COL8A2: variants seen among roughly 807,000 people sequenced by gnomAD.
The protein encoded by COL8A2 is collagen alpha-2(VIII) chain.
COL8A2 carries 16 observed loss-of-function variants against 24.0 expected under a neutral mutation model. That is an observed-to-expected ratio of 0.67 (90% CI 0.45 to 1.01). The LOEUF (loss-of-function observed/expected upper bound fraction) is 1.01. COL8A2 is among the 50% of genes least tolerant of loss of function. COL8A2 has a pLI of 0.00. For synonymous variants in COL8A2, 466 were observed against 424.5 expected, an observed-to-expected ratio of 1.10 and a Z score of -1.20; for missense variants, 818 against 942.4, an observed-to-expected ratio of 0.87 and a Z score of 1.73.
rs987732733 is a variant in COL8A2 at position 36,098,652 on chromosome 1, C to T, written c.1029G>A (p.Gly343=). Residue 343 remains glycine, a synonymous_variant, in exon 4 of 4, where the codon GGG becomes GGA. Coordinates refer to ENST00000397799, the MANE Select transcript of COL8A2 (RefSeq NM_005202.4). ...CCTGCTCCCCTGGCTCCCCATCCTC[C>T]CCTGGCTCACCCCTGTCCCCCAAGA... ...PGLLGDRGEP[G]EDGEPGEQGP... The T allele has an allele frequency of 6.2e-7, 1 of 1,610,732 alleles. No individual in the cohort carries two copies. The highest frequency in any genetic ancestry group is 8.5e-7 in the Non-Finnish European group (1 of 1,179,478).
chr1:36,118,596 CT>C (rs1444225553), intron 1 of COL8A2, among the ~76,000 whole-genome samples: 1 of 152,220 alleles, frequency 6.6e-6, no homozygotes, highest in Non-Finnish European at 1.5e-5. Context: ...AGCCCCTCCC[CT>C]GGCGACGTCT....
chr1:36,113,881 C>T (rs1347015671), intron 2 of COL8A2, among the ~76,000 whole-genome samples: 3 of 152,140 alleles, frequency 2.0e-5, no homozygotes, highest in Non-Finnish European at 2.9e-5. Flanking sequence ...AACAGGCCCA[C>T]GGGGGCAGGT....
At chr1:36,119,436 A>G (rs1017370311) in intron 1 of COL8A2, among the ~76,000 whole-genome samples, 2 of 152,084 alleles carry the variant, frequency 1.3e-5, no homozygotes, top group Non-Finnish European at 2.9e-5. Context: ...GGCTCCCCCA[A>G]GCTGAGGCAT....
Position 36,125,075 on chromosome 1 carries a change from G to A in COL8A2, c.-80C>T. On this transcript the variant is annotated 5_prime_UTR_variant, in exon 1 of 4. Coordinates refer to ENST00000397799, the MANE Select transcript of COL8A2 (RefSeq NM_005202.4). This position sits in a 1 kb window ranked among gnomAD's most constrained non-coding sequence, Gnocchi z 4.5. ...CCTTTACCTGCGGGCGCGGCCGCCG[G>A]GCGCCGCTCCCGGCCCTCGAGGGCG... 1 of 981,156 alleles carries A rather than the reference G, an allele frequency of 1.0e-6. No homozygotes were observed. The highest frequency in any genetic ancestry group is 4.7e-5 in the South Asian group (1 of 21,238). The allele number at this position is 981,156 out of a possible 1,614,324, so 60.8% of individuals were successfully genotyped here.
chr1:36,099,061 T>G lies in COL8A2; in HGVS notation c.620A>C (p.Asp207Ala). ...GPPGDRGLKG[D>A]NGVGQPGLPG... ...CAGCCCGGGCTGGCCCACTCCATTA[T>G]CCCCCTTGAGGCCTCGATCACCTGG... Residue 207 changes from aspartate (D) to alanine (A), a missense_variant, in exon 4 of 4, where the codon GAT (aspartate) becomes GCT (alanine). By Grantham distance (126) the Asp-to-Ala change is moderately radical. This residue lies in a region of COL8A2 where 573 missense variants were observed against 616.8 expected (regional missense o/e 0.93). Transcript: ENST00000397799. 1 of 1,505,764 alleles carries G rather than the reference T, an allele frequency of 6.6e-7. No homozygotes were observed. Among genetic ancestry groups the G allele is most frequent in the Non-Finnish European group, 8.9e-7 (1 of 1,129,810 alleles). 93.3% of individuals were successfully genotyped at this position (1,505,764 alleles called of 1,614,324 possible).
intron 3 of COL8A2, 98 bp from the exon 4 acceptor site, chr1:36,099,585 G>A (rs561489758): frequency 2.7e-5 from 25 of 924,742 alleles, no homozygotes; most frequent in Non-Finnish European, 4.0e-5. Context: ...GTACACGGGA[G>A]AGGAAGAATG....
intron 1 of COL8A2, among the ~76,000 whole-genome samples, chr1:36,120,616 C>G (rs188589696): frequency 6.6e-6 from 1 of 151,738 alleles, no homozygotes; most frequent in South Asian, 2.1e-4. Context: ...GGCTTGGCAG[C>G]GTGTGCCTGT....
At chr1:36,108,021 C>T (rs374799799) in intron 2 of COL8A2, among the ~76,000 whole-genome samples, 6 of 152,322 alleles carry the variant, frequency 3.9e-5, no homozygotes, top group African/African-American at 1.2e-4. Flanking sequence ...GCTTGGCTGG[C>T]ACACAGTGAT....
rs775840502 is a variant in COL8A2, at chr1:36,098,167, G to T, written c.1514C>A (p.Pro505His). Residue 505 changes from proline to histidine, a missense_variant, in exon 4 of 4, where the codon CCC (proline) becomes CAC (histidine). Physicochemically the swap from Pro to His is moderately conservative, Grantham distance 77 (BLOSUM62 -2). Around this residue, in one of 3 missense-constraint regions of COL8A2, gnomAD observed 235 missense variants for 297.3 expected, o/e 0.79. Coordinates refer to ENST00000397799, the MANE Select transcript of COL8A2 (RefSeq NM_005202.4). The part of the protein sequence containing the change: ...GRAGEPGTAG[P>H]TGPPGVPGSP... ...GCCAGGGACCCCTGGGGGCCCCGTG[G>T]GCCCAGCCGTGCCAGGTTCCCCTGC... 4.7e-6 allele frequency: 7 copies of T among 1,496,596 alleles called. No individual in the cohort carries two copies. The highest frequency in any genetic ancestry group is 5.3e-6 in the Non-Finnish European group (6 of 1,126,628). The allele number at this position is 1,496,596 out of a possible 1,614,324, so 92.7% of individuals were successfully genotyped here. A position where few individuals can be genotyped will look rare whatever the true frequency, so the allele number is the denominator to read the frequency against.
chr1:36,105,047 G>T (rs1237023117), intron 2 of COL8A2, among the ~76,000 whole-genome samples: 3 of 152,082 alleles, frequency 2.0e-5, no homozygotes, highest in African/African-American at 7.2e-5. Flanking sequence ...GAGTTTGAGG[G>T]TGGGTTGTGG....
Position 36,097,370 on chromosome 1 carries a change from GGAAA to G in COL8A2, c.*195_*198del, listed in dbSNP as rs1643584091. On this transcript the variant is annotated 3_prime_UTR_variant, in exon 4 of 4. Coordinates refer to ENST00000397799, the MANE Select transcript of COL8A2 (RefSeq NM_005202.4). Reference sequence around the variant, plus strand: ...CCCTGACACTGCACAGACATTTGGGGGAAAGAAACTCAGGCCAGCCCCTTCCAGA... The same window carrying G: ...CCCTGACACTGCACAGACATTTGGGGGAAACTCAGGCCAGCCCCTTCCAGA... The G allele has an allele frequency of 1.7e-6, 1 of 592,008 alleles. No homozygotes were observed. The highest frequency in any genetic ancestry group is 1.9e-5 in the African/African-American group (1 of 53,922). The allele number at this position is 592,008 out of a possible 1,614,324, so 36.7% of individuals were successfully genotyped here. A position where few individuals can be genotyped will look rare whatever the true frequency, so the allele number is the denominator to read the frequency against.
At chr1:36,104,070 T>C (rs1176093185) in intron 2 of COL8A2, among the ~76,000 whole-genome samples, 5 of 151,844 alleles carry the variant, frequency 3.3e-5, no homozygotes, top group Non-Finnish European at 7.4e-5. Context: ...AGCAGGCACC[T>C]GTGATCCCAG....
At position 36,098,909 on chromosome 1, in the gene COL8A2, C is replaced by G; in HGVS notation, c.772G>C (p.Gly258Arg). The G allele has an allele frequency of 6.2e-7, 1 of 1,612,188 alleles. No homozygotes were observed. The highest frequency in any genetic ancestry group is 8.5e-7 in the Non-Finnish European group (1 of 1,179,598). The change falls in exon 4 of 4, where the codon GGA (glycine) becomes CGA (arginine). Residue 258 changes from glycine (G) to arginine (R), a missense_variant. Coordinates refer to ENST00000397799, the MANE Select transcript of COL8A2 (RefSeq NM_005202.4). ...PGDKGESGPP[G>R]VPGPRGEPGA... ...GGCTCCCCCCTGGGGCCTGGAACTC[C>G]AGGAGGCCCAGACTCACCCTTGTCT...
rs1422686113 is a variant in COL8A2 at position 36,099,924 on chromosome 1, AGGT to A, written c.193+123_193+125del. On this transcript the variant is annotated intron_variant, in intron 3 of 3. Coordinates refer to ENST00000397799, the MANE Select transcript of COL8A2 (RefSeq NM_005202.4). The stretch of plus-strand genomic sequence containing the variant: ...TCTGGGGTATTAGGAAAAACACTGA[AGGT>A]AGGAAAATTGGTGGGGAATGAGGAG... 6 of 901,210 alleles carry A rather than the reference AGGT, an allele frequency of 6.7e-6. No individual in the cohort carries two copies. The East Asian group carries it at 1.5e-4, about 23-fold the overall frequency. The allele number at this position is 901,210 out of a possible 1,614,324, so 55.8% of individuals were successfully genotyped here.
intron 1 of COL8A2, among the ~76,000 whole-genome samples, chr1:36,116,669 G>A (rs542444259): frequency 2.1e-4 from 32 of 152,228 alleles, no homozygotes; most frequent in Non-Finnish European, 4.4e-4. Flanking sequence ...CACTGCAGCT[G>A]GGTCCTGAAG....
At chr1:36,118,211 C>A (rs1164773109) in intron 1 of COL8A2, among the ~76,000 whole-genome samples, 4 of 152,212 alleles carry the variant, frequency 2.6e-5, no homozygotes, top group Non-Finnish European at 5.9e-5. Flanking sequence ...GAGGTCACAT[C>A]CATTCTCTAA....
At chr1:36,099,935 T>C (rs1323927161) in intron 3 of COL8A2, 115 bp downstream of exon 3, 9 of 986,870 alleles carry the variant, frequency 9.1e-6, no homozygotes, top group Non-Finnish European at 1.1e-5. Context: ...GGTAGGAAAA[T>C]TGGTGGGGAA....
In COL8A2 at chr1:36,097,406, C is replaced by T. The variant is rs1643584897; in HGVS notation, c.*163G>A. ...CAGGCCAGCCCCTTCCAGAAACAAT[C>T]TCAGCCTGCATGCAGGGAGAAAGCA... On this transcript the variant is annotated 3_prime_UTR_variant, in exon 4 of 4. Coordinates refer to ENST00000397799, the MANE Select transcript of COL8A2 (RefSeq NM_005202.4). The T allele has an allele frequency of 3.0e-6, 2 of 656,576 alleles. No homozygotes were observed. The highest frequency in any genetic ancestry group is 5.3e-6 in the Non-Finnish European group (2 of 375,022). 40.7% of individuals were successfully genotyped at this position (656,576 alleles called of 1,614,324 possible).
chr1:36,122,536 G>A (rs781123436), intron 1 of COL8A2, among the ~76,000 whole-genome samples: 3 of 152,072 alleles, frequency 2.0e-5, no homozygotes, highest in Non-Finnish European at 4.4e-5. Flanking sequence ...AGACCCCAGC[G>A]CCAAACCCAC....
Sources: allele counts gnomAD v4.1 joint callset (sites outside exome capture counted in the v4.1 genomes callset), GRCh38; gene constraint gnomAD v4.1.1; regional missense constraint gnomAD v4.1.1; non-coding constraint Gnocchi (gnomAD v3.1); transcripts MANE v1.5; gene names NCBI Gene and HGNC (gene_info 2026-07-23, HGNC 2026-07-21).